The following IMPG1 variants were observed in gnomAD, a reference collection of about 807,000 sequenced individuals.
IMPG1 encodes interphotoreceptor matrix proteoglycan 1.
IMPG1 carries 85 observed loss-of-function variants against 92.0 expected under a neutral mutation model. That is an observed-to-expected ratio of 0.92 (90% CI 0.78 to 1.11). IMPG1 has a LOEUF of 1.11. Among genes scored for constraint, IMPG1 ranks in the 50% least tolerant of loss-of-function variants. The pLI is 0.00. For missense variants in IMPG1, 1,022 were observed against 956.0 expected, an observed-to-expected ratio of 1.07 and a Z score of -0.91; for synonymous variants, 367 against 334.1, an observed-to-expected ratio of 1.10 and a Z score of -1.08.
chr6:75,942,935 C>CT (rs1041193156), intron 14 of IMPG1, among the ~76,000 whole-genome samples: 3 of 151,910 alleles, frequency 2.0e-5, no homozygotes, highest in Non-Finnish European at 2.9e-5. Flanking sequence ...ACTGTACAGG[C>CT]TTTTTTTTAG....
At chr6:75,947,263 T>TA (rs1781941728) in intron 14 of IMPG1, 51 bp downstream of exon 14, 3 of 1,106,644 alleles carry the variant, frequency 2.7e-6, no homozygotes, top group Non-Finnish European at 2.5e-6. Flanking sequence ...AGAACGAAAT[T>TA]AAAAAAATGA....
At chr6:76,013,137 T>A (rs1783219575) in intron 7 of IMPG1, among the ~76,000 whole-genome samples, 1 of 152,156 alleles carries the variant, frequency 6.6e-6, no homozygotes, top group Admixed American at 6.5e-5. Flanking sequence ...GGAGAAGGTA[T>A]CTCCTTGACT....
intron 14 of IMPG1, among the ~76,000 whole-genome samples, chr6:75,940,612 A>G (rs1213370724): frequency 6.6e-6 from 1 of 152,228 alleles, no homozygotes; most frequent in African/African-American, 2.4e-5. Context: ...TAATTTTAAA[A>G]GACCATAAGT....
At chr6:75,949,291 T>C (rs1489778781) in intron 13 of IMPG1, among the ~76,000 whole-genome samples, 1 of 152,136 alleles carries the variant, frequency 6.6e-6, no homozygotes. Flanking sequence ...ATAAAAGAAG[T>C]TGCAGTGAAG....
At chr6:76,045,989 T>C (rs1278506738) in intron 1 of IMPG1, among the ~76,000 whole-genome samples, 1 of 152,054 alleles carries the variant, frequency 6.6e-6, no homozygotes, top group Admixed American at 6.6e-5. Context: ...TCTAAGATGA[T>C]GACAAAATGA....
intron 1 of IMPG1, among the ~76,000 whole-genome samples, chr6:76,056,543 C>T (rs1784123059): frequency 6.6e-6 from 1 of 152,134 alleles, no homozygotes; most frequent in Non-Finnish European, 1.5e-5. Context: ...TTTGGGCATG[C>T]ACCCAGCAAA....
In IMPG1 at chr6:76,005,546, A is replaced by G. The variant is rs184144177; in HGVS notation, c.888-12T>C. The stretch of plus-strand genomic sequence containing the variant: ...CTGTGGAGCTTGAGCTGTAGATAGC[A>G]GAGGACACATTCCCCACCCAAAGCC... On this transcript the variant is annotated splice_polypyrimidine_tract_variant and intron_variant, in intron 9 of 16. Coordinates refer to ENST00000369950, the MANE Select transcript of IMPG1 (RefSeq NM_001563.4). 4 of 1,612,366 alleles carry G rather than the reference A, an allele frequency of 2.5e-6. No homozygotes were observed. Among genetic ancestry groups the G allele is most frequent in the East Asian group, 4.5e-5 (2 of 44,842 alleles).
At chr6:76,042,380 A>G (rs1353060849) in intron 1 of IMPG1, among the ~76,000 whole-genome samples, 1 of 152,104 alleles carries the variant, frequency 6.6e-6, no homozygotes, top group Non-Finnish European at 1.5e-5. Flanking sequence ...GGAACTGCCA[A>G]ATATTGAAAC....
chr6:76,069,965 C>T (rs939301717), intron 1 of IMPG1, among the ~76,000 whole-genome samples: 2 of 152,064 alleles, frequency 1.3e-5, no homozygotes, highest in Non-Finnish European at 2.9e-5. Context: ...CAACCATAGA[C>T]ATTTGGGACT....
chr6:75,954,962 A>G (rs1454760950), intron 12 of IMPG1, among the ~76,000 whole-genome samples: 1 of 152,030 alleles, frequency 6.6e-6, no homozygotes, highest in African/African-American at 2.4e-5. Context: ...GTTCTGTTCC[A>G]TTGGTCTATG....
intron 12 of IMPG1, 68 bp from the exon 13 acceptor site, chr6:75,951,162 A>G (rs1360394861): frequency 8.3e-7 from 1 of 1,203,306 alleles, no homozygotes; most frequent in Non-Finnish European, 1.2e-6. Flanking sequence ...AAAAAAGAAA[A>G]TCCAAAATTA....
intron 1 of IMPG1, among the ~76,000 whole-genome samples, chr6:76,055,279 A>C (rs558294457): frequency 4.6e-5 from 7 of 152,214 alleles, no homozygotes; most frequent in South Asian, 2.1e-4. Flanking sequence ...GAAAATCTTT[A>C]TGTATTTGAA....
chr6:75,985,086 C>A (rs1322381636), intron 12 of IMPG1, among the ~76,000 whole-genome samples: 3 of 152,148 alleles, frequency 2.0e-5, no homozygotes, highest in South Asian at 4.1e-4. Flanking sequence ...TAAATATATA[C>A]AATTTTTGTC....
intron 12 of IMPG1, among the ~76,000 whole-genome samples, chr6:75,981,100 G>A (rs1782620282): frequency 4.6e-5 from 7 of 152,156 alleles, no homozygotes; most frequent in Admixed American, 4.6e-4. Context: ...CTGCCCCTGT[G>A]GAGGATATAC....
At chr6:75,991,355 C>T (rs1201977265) in intron 12 of IMPG1, among the ~76,000 whole-genome samples, 1 of 151,412 alleles carries the variant, frequency 6.6e-6, no homozygotes, top group Admixed American at 6.6e-5. Flanking sequence ...TGCACCACTG[C>T]ATTCCAGCCT....
Position 75,950,571 on chromosome 6 carries a change from G to C in IMPG1, c.1815C>G (p.Phe605Leu). 6.2e-7 allele frequency: 1 copy of C among 1,607,288 alleles called. No homozygotes were observed. Among genetic ancestry groups the C allele is most frequent in the East Asian group, 2.2e-5 (1 of 44,802 alleles). Residue 605 changes from phenylalanine (F) to leucine (L), a missense_variant, in exon 13 of 17, where the codon TTC becomes TTG. Phe to Leu is a conservative substitution (Grantham distance 22). Transcript: ENST00000369950. ...SLEYRALEQQ[F>L]TQLLVPYLRS... ...AGCAGTGCCCACTCACCAGCTGTGT[G>C]AATTGTTGCTCCAGAGCTCGGTACT...
At chr6:75,942,226 T>C (rs1781846339) in intron 14 of IMPG1, among the ~76,000 whole-genome samples, 1 of 152,230 alleles carries the variant, frequency 6.6e-6, no homozygotes, top group Non-Finnish European at 1.5e-5. Flanking sequence ...ATACAGAATT[T>C]CCAGCAGCTG....
chr6:76,070,918 G>A (rs1198718891), intron 1 of IMPG1, among the ~76,000 whole-genome samples: 1 of 151,914 alleles, frequency 6.6e-6, no homozygotes, highest in Non-Finnish European at 1.5e-5. Context: ...TTTCACCAGT[G>A]TGCAATATAT....
intron 2 of IMPG1, among the ~76,000 whole-genome samples, chr6:76,039,751 T>A (rs1783802656): frequency 6.6e-6 from 1 of 152,200 alleles, no homozygotes; most frequent in African/African-American, 2.4e-5. Flanking sequence ...GGGAGGCATC[T>A]GTATAGCAGG....
Sources: gnomAD v4.1 joint callset for allele counts (sites outside exome capture counted in the v4.1 genomes callset) on GRCh38, gnomAD v4.1.1 for gene constraint, MANE v1.5 for transcripts, NCBI Gene and HGNC (gene_info 2026-07-23, HGNC 2026-07-21) for gene names.